The following ANKRD13A variants were observed in gnomAD, a reference collection of about 807,000 sequenced individuals.
ANKRD13A encodes ankyrin repeat domain 13A.
Under a neutral mutation model 81.3 loss-of-function variants are expected in ANKRD13A, and 48 were observed. That is an observed-to-expected ratio of 0.59 (90% CI 0.47 to 0.75). ANKRD13A has a LOEUF of 0.75. Among genes scored for constraint, ANKRD13A ranks in the 30% least tolerant of loss-of-function variants. ANKRD13A has a pLI of 0.00. For missense variants in ANKRD13A, 612 were observed against 734.0 expected (o/e 0.83, Z 1.92); for synonymous variants, 230 against 270.1 (o/e 0.85, Z 1.45).
intron 3 of ANKRD13A, among the ~76,000 whole-genome samples, chr12:110,014,757 G>T (rs933373045): frequency 6.6e-6 from 1 of 151,316 alleles, no homozygotes; most frequent in Admixed American, 6.6e-5. Context: ...GTAGGAATAG[G>T]AAGAACACCT....
Position 109,999,597 on chromosome 12 carries a change from G to T in ANKRD13A, c.-92G>T, listed in dbSNP as rs1022923369. 77 of 1,076,592 alleles carry T rather than the reference G, an allele frequency of 7.2e-5. 1 individual carries two copies. The highest frequency in any genetic ancestry group is 9.5e-5 in the Non-Finnish European group (75 of 789,754). The allele number at this position is 1,076,592 out of a possible 1,614,324, so 66.7% of individuals were successfully genotyped here. On this transcript the variant is annotated 5_prime_UTR_variant, in exon 1 of 15. Coordinates refer to ENST00000261739, the MANE Select transcript of ANKRD13A (RefSeq NM_033121.2). The surrounding 1 kb of genome is among the most constrained non-coding windows in gnomAD (Gnocchi z 4.3). ...TAACACGCCCTACGCTCGCTTGCTC[G>T]CCGGCCTCAGGGCAGGCAGGCGGGC...
intron 6 of ANKRD13A, among the ~76,000 whole-genome samples, chr12:110,020,877 A>T (rs1891043013): frequency 6.6e-6 from 1 of 152,236 alleles, no homozygotes; most frequent in South Asian, 2.1e-4. Flanking sequence ...AATTGAGTGA[A>T]TCTGGAGATG....
chr12:110,035,221 T>A (rs1379853144), intron 13 of ANKRD13A, among the ~76,000 whole-genome samples: 1 of 152,182 alleles, frequency 6.6e-6, no homozygotes, highest in East Asian at 1.9e-4. Flanking sequence ...CCAAGTAGCT[T>A]CATAAACCTT....
chr12:110,017,129 C>T (rs1439678570), intron 4 of ANKRD13A, among the ~76,000 whole-genome samples: 3 of 152,036 alleles, frequency 2.0e-5, no homozygotes, highest in Non-Finnish European at 4.4e-5. Context: ...AGGCTGGTCT[C>T]GAACTCCTGT....
At position 110,030,631 on chromosome 12, in the gene ANKRD13A, A is replaced by T; in HGVS notation, c.1235-14A>T. On this transcript the variant is annotated splice_polypyrimidine_tract_variant and intron_variant, in intron 11 of 14. Coordinates refer to ENST00000261739, the MANE Select transcript of ANKRD13A (RefSeq NM_033121.2). ...GTAAAGTTTACTTATAAAAGTTTTT[A>T]TTTTGTTTGTTAGAAATTCCCTTGT... 1 of 1,526,178 alleles carries T rather than the reference A, an allele frequency of 6.6e-7. No individual in the cohort carries two copies. Among genetic ancestry groups the T allele is most frequent in the African/African-American group, 1.4e-5 (1 of 71,778 alleles). 94.5% of individuals were successfully genotyped at this position (1,526,178 alleles called of 1,614,324 possible). A position where few individuals can be genotyped will look rare whatever the true frequency, so the allele number is the denominator to read the frequency against.
intron 4 of ANKRD13A, 32 bp downstream of exon 4, chr12:110,016,465 C>T: frequency 2.6e-6 from 4 of 1,551,646 alleles, no homozygotes; most frequent in Non-Finnish European, 3.5e-6. Flanking sequence ...ATTTATTTCT[C>T]TTTCTAAATT....
In ANKRD13A at chr12:109,999,845, C is replaced by T. The variant is rs1418263526; in HGVS notation, c.96+61C>T. On this transcript the variant is annotated intron_variant, in intron 1 of 14. Transcript: ENST00000261739. The surrounding 1 kb of genome is among the most constrained non-coding windows in gnomAD (Gnocchi z 4.3). ...GACTTCGGGGAATCGGGGGTCGTTT[C>T]GCCTCCCTGAGCCCATTTCCAGCCC... is the stretch of plus-strand genomic sequence containing the variant. The T allele has an allele frequency of 7.0e-7, 1 of 1,425,046 alleles. No individual in the cohort carries two copies. The highest frequency in any genetic ancestry group is 9.4e-7 in the Non-Finnish European group (1 of 1,063,658). 88.3% of individuals were successfully genotyped at this position (1,425,046 alleles called of 1,614,324 possible). A position where few individuals can be genotyped will look rare whatever the true frequency, so the allele number is the denominator to read the frequency against.
In ANKRD13A at chr12:109,999,673, T is replaced by G; in HGVS notation, c.-16T>G. ...CTTGGGGCGGGCGACGAGGACCAGG[T>G]TACGGCCTCCTCGCCATGTCCTCGG... On this transcript the variant is annotated 5_prime_UTR_variant, in exon 1 of 15. Coordinates refer to ENST00000261739, the MANE Select transcript of ANKRD13A (RefSeq NM_033121.2). The surrounding 1 kb of genome is among the most constrained non-coding windows in gnomAD (Gnocchi z 4.3). 1 of 1,526,974 alleles carries G rather than the reference T, an allele frequency of 6.5e-7. No individual in the cohort carries two copies. The highest frequency in any genetic ancestry group is 8.8e-7 in the Non-Finnish European group (1 of 1,136,236). 94.6% of individuals were successfully genotyped at this position (1,526,974 alleles called of 1,614,324 possible).
intron 6 of ANKRD13A, 26 bp downstream of exon 6, chr12:110,019,354 A>G (rs1158009854): frequency 1.9e-6 from 3 of 1,571,106 alleles, no homozygotes; most frequent in Non-Finnish European, 2.6e-6. Flanking sequence ...CTAAATTTTA[A>G]TGTCTAATCC....
At chr12:110,016,548 A>T (rs868519969) in intron 4 of ANKRD13A, 115 bp downstream of exon 4, 13 of 946,982 alleles carry the variant, frequency 1.4e-5, no homozygotes, top group Middle Eastern at 3.2e-4. Context: ...AAGGAAATAC[A>T]TAGTGAAGAA....
At chr12:110,015,018 C>T (rs1177810138) in intron 3 of ANKRD13A, among the ~76,000 whole-genome samples, 3 of 152,024 alleles carry the variant, frequency 2.0e-5, no homozygotes, top group Non-Finnish European at 4.4e-5. Context: ...CCTCGTGATC[C>T]GCCCGCCTCG....
Position 110,028,488 on chromosome 12 carries a change from C to T in ANKRD13A, c.946-24C>T, listed in dbSNP as rs917131043. ...TGTGAACATCATTTGGCATTTCTGA[C>T]TCTCCTGAGTTCTGGCTCAGCAGGA... On this transcript the variant is annotated intron_variant, in intron 9 of 14. Coordinates refer to ENST00000261739, the MANE Select transcript of ANKRD13A (RefSeq NM_033121.2). 7.4e-6 allele frequency: 12 copies of T among 1,612,532 alleles called. No homozygotes were observed. In the Admixed American group the frequency reaches 1.5e-4, roughly 20 times the overall value.
chr12:110,035,364 G>A (rs1237521781), intron 13 of ANKRD13A, among the ~76,000 whole-genome samples: 1 of 152,176 alleles, frequency 6.6e-6, no homozygotes, highest in African/African-American at 2.4e-5. Flanking sequence ...CAGCACTTTG[G>A]GAAGCCAAGA....
intron 8 of ANKRD13A, chr12:110,027,459 A>G: frequency 2.2e-6 from 1 of 456,018 alleles, no homozygotes; most frequent in Non-Finnish European, 4.0e-6. Context: ...GGCTCACTCC[A>G]AAATCCAGAC....
intron 1 of ANKRD13A, among the ~76,000 whole-genome samples, chr12:110,002,101 C>T (rs1032826793): frequency 1.3e-5 from 2 of 152,160 alleles, no homozygotes; most frequent in Non-Finnish European, 1.5e-5. Flanking sequence ...TTCTTAACCC[C>T]TACTATACTT....
intron 8 of ANKRD13A, among the ~76,000 whole-genome samples, chr12:110,026,152 G>A (rs990355896): frequency 1.3e-5 from 2 of 151,786 alleles, no homozygotes; most frequent in Middle Eastern, 3.4e-3. Flanking sequence ...CAGTAGAGAC[G>A]GGGTTTCACC....
intron 1 of ANKRD13A, among the ~76,000 whole-genome samples, chr12:110,011,434 C>T (rs1306611996): frequency 1.3e-5 from 2 of 152,176 alleles, no homozygotes; most frequent in South Asian, 2.1e-4. Context: ...ATCATGCTTG[C>T]GGTCTGAAGG....
chr12:110,006,642 G>C (rs1158579710), intron 1 of ANKRD13A, among the ~76,000 whole-genome samples: 1 of 152,016 alleles, frequency 6.6e-6, no homozygotes, highest in African/African-American at 2.4e-5. Context: ...TGTTGCCTAG[G>C]CTGGAGTGCA....
In ANKRD13A at chr12:110,036,301, C is replaced by CA; in HGVS notation, c.1553dup (p.Asn518LysfsTer4). On this transcript the variant is annotated frameshift_variant, in exon 14 of 15. Coordinates refer to ENST00000261739, the MANE Select transcript of ANKRD13A (RefSeq NM_033121.2). LOFTEE classifies it high-confidence loss of function. The surrounding 1 kb of genome is among the most constrained non-coding windows in gnomAD (Gnocchi z 4.6). ...GCTTCGAATGGAGGGATCAGCCAGA[C>CA]AAACACCTATGACGCCCAGTATGAG... The CA allele has an allele frequency of 6.2e-7, 1 of 1,614,070 alleles. No individual in the cohort carries two copies.
Sources: allele counts gnomAD v4.1 joint callset (sites outside exome capture counted in the v4.1 genomes callset), GRCh38; gene constraint gnomAD v4.1.1; non-coding constraint Gnocchi (gnomAD v3.1); transcripts MANE v1.5; gene names NCBI Gene and HGNC (gene_info 2026-07-23, HGNC 2026-07-21).